KCNMA1: variants seen among roughly 807,000 people sequenced by gnomAD.
The protein encoded by KCNMA1 is Calcium-activated potassium channel subunit alpha-1.
In KCNMA1, 29 loss-of-function variants were observed where a neutral mutation model predicts 140.0. The observed-to-expected ratio is 0.21, with a 90% CI of 0.15 to 0.28. The LOEUF is 0.28. Ranked by LOEUF, KCNMA1 falls within the 10% of genes least tolerant of loss-of-function variation. The pLI is 1.00. For missense variants in KCNMA1, 880 were observed against 1,602.2 expected (o/e 0.55, Z 7.70); for synonymous variants, 612 against 611.9 (o/e 1.00, Z 0.00).
At position 77,625,132 on chromosome 10, in the gene KCNMA1, G is replaced by C. The variant is rs574615112; in HGVS notation, c.378+12133C>G. 1.4e-4 allele frequency among the ~76,000 whole-genome samples: 21 copies of C among 152,266 alleles called. 1 individual carries two copies. In the South Asian group the frequency reaches 3.5e-3, roughly 26 times the overall value. On this transcript the variant is annotated intron_variant, in intron 1 of 27. Coordinates refer to ENST00000286628, the MANE Select transcript of KCNMA1 (RefSeq NM_001161352.2). ...TCTTAGGCTGGGCACAGTGGCTCACGCCTGTAATCCCAGCACTTTGGGAGG... is the reference window on the plus strand; with the variant it reads ...TCTTAGGCTGGGCACAGTGGCTCACCCCTGTAATCCCAGCACTTTGGGAGG...
intron 23 of KCNMA1, among the ~76,000 whole-genome samples, chr10:76,923,896 T>C (rs2056834837): frequency 6.6e-6 from 1 of 152,034 alleles, no homozygotes; most frequent in South Asian, 2.1e-4. Context: ...TCCCAGCTAC[T>C]TGGGAGGCTG....
At chr10:77,637,138 C>G (rs2093837134) in intron 1 of KCNMA1, 127 bp downstream of exon 1, 1 of 1,247,354 alleles carries the variant, frequency 8.0e-7, no homozygotes. Context: ...GAAGGGAAGG[C>G]GGCGAGGGGA....
At chr10:77,036,819 T>C (rs377411296) in intron 15 of KCNMA1, among the ~76,000 whole-genome samples, 5 of 152,338 alleles carry the variant, frequency 3.3e-5, no homozygotes, top group East Asian at 1.9e-4. Flanking sequence ...GAGTTATGGC[T>C]TTTCTTTAAT....
In KCNMA1 at chr10:77,064,142, A is replaced by C. The variant is rs140345216; in HGVS notation, c.1749+8955T>G. 1.3e-5 allele frequency: 13 copies of C among 984,306 alleles called. No homozygotes were observed. The African/African-American group carries it at 1.9e-4, about 15-fold the overall frequency. 61.0% of individuals were successfully genotyped at this position (984,306 alleles called of 1,614,324 possible). A position where few individuals can be genotyped will look rare whatever the true frequency, so the allele number is the denominator to read the frequency against. On this transcript the variant is annotated intron_variant, in intron 14 of 27. Transcript: ENST00000286628. ...TATAAAAGAATCCATATGTGATTAC[A>C]GCTATAAAACCAAGAGGAAAATATT... is the stretch of plus-strand genomic sequence containing the variant.
At chr10:77,417,953 C>T (rs1415952229) in intron 1 of KCNMA1, among the ~76,000 whole-genome samples, 1 of 152,186 alleles carries the variant, frequency 6.6e-6, no homozygotes, top group Non-Finnish European at 1.5e-5. Context: ...CCTGAGGAAC[C>T]AGGCTCCCAG....
At chr10:76,952,138 G>A in intron 21 of KCNMA1, 3 of 1,551,732 alleles carry the variant, frequency 1.9e-6, no homozygotes, top group Non-Finnish European at 2.6e-6. Flanking sequence ...CTAGGTCCCA[G>A]ATACGGCATC....
intron 1 of KCNMA1, among the ~76,000 whole-genome samples, chr10:77,452,702 C>T (rs1289441338): frequency 6.6e-6 from 1 of 152,114 alleles, no homozygotes; most frequent in East Asian, 1.9e-4. Context: ...CTCTAAATAC[C>T]CTTCTAAAAA....
chr10:76,909,661 C>A (rs1183589888), intron 25 of KCNMA1, among the ~76,000 whole-genome samples: 1 of 152,142 alleles, frequency 6.6e-6, no homozygotes, highest in Non-Finnish European at 1.5e-5. Flanking sequence ...CTCTTTATGG[C>A]TCAAATTTTA....
chr10:77,455,613 T>C (rs577529281), intron 1 of KCNMA1, among the ~76,000 whole-genome samples: 2 of 152,286 alleles, frequency 1.3e-5, no homozygotes, highest in East Asian at 3.9e-4. Context: ...GGCTGAGGGA[T>C]CCAAGGATGA....
In KCNMA1 at chr10:77,066,190, G is replaced by T. The variant is rs1332985502; in HGVS notation, c.1749+6907C>A. 4.6e-5 allele frequency among the ~76,000 whole-genome samples: 7 copies of T among 152,296 alleles called. No homozygotes were observed. In the South Asian group the frequency reaches 1.5e-3, roughly 32 times the overall value. ...AGATAGATTGGAGGTGGGGTGGTAA[G>T]GGCAGAGCAGACAGACCAGTTAGGA... On this transcript the variant is annotated intron_variant, in intron 14 of 27. Transcript: ENST00000286628.
chr10:76,883,215 G>C (rs1040066129), downstream of KCNMA1, among the ~76,000 whole-genome samples: 1 of 152,114 alleles, frequency 6.6e-6, no homozygotes. Flanking sequence ...AGCATCATAA[G>C]GCATGTAGAG....
intron 1 of KCNMA1, among the ~76,000 whole-genome samples, chr10:77,443,840 A>T (rs57961851): frequency 0.063 from 9,526 of 152,232 alleles, 996 homozygotes; most frequent in African/African-American, 0.21. Context: ...TAAGACCTAG[A>T]GTTTGATAGA....
intron 20 of KCNMA1, among the ~76,000 whole-genome samples, chr10:76,963,007 G>T (rs1464409260): frequency 6.6e-6 from 1 of 152,192 alleles, no homozygotes; most frequent in African/African-American, 2.4e-5. Flanking sequence ...TATAAAAAGG[G>T]CATTGTGATG....
intron 2 of KCNMA1, among the ~76,000 whole-genome samples, chr10:77,298,385 G>A (rs928967374): frequency 1.3e-5 from 2 of 152,068 alleles, no homozygotes; most frequent in African/African-American, 4.8e-5. Flanking sequence ...TGGGCTACAG[G>A]CATTCACCAC....
chr10:77,594,013 A>G (rs2080031811), intron 1 of KCNMA1, among the ~76,000 whole-genome samples: 1 of 152,202 alleles, frequency 6.6e-6, no homozygotes, highest in South Asian at 2.1e-4. Context: ...AGAACAGATG[A>G]TGTATCACAG....
At chr10:76,894,053 G>C (rs775837302) in intron 25 of KCNMA1, among the ~76,000 whole-genome samples, 2 of 152,126 alleles carry the variant, frequency 1.3e-5, no homozygotes, top group African/African-American at 2.4e-5. Flanking sequence ...GACGAAGTTG[G>C]AAGTTTCATA....
At chr10:77,114,635 A>G (rs140797242) in intron 6 of KCNMA1, among the ~76,000 whole-genome samples, 1 of 152,304 alleles carries the variant, frequency 6.6e-6, no homozygotes, top group East Asian at 1.9e-4. Context: ...CATTCTTCAA[A>G]GCCCAGTTCA....
At chr10:77,136,170 C>T (rs1448029220) in intron 5 of KCNMA1, among the ~76,000 whole-genome samples, 2 of 151,936 alleles carry the variant, frequency 1.3e-5, no homozygotes, top group African/African-American at 2.4e-5. Flanking sequence ...GAAAATATAA[C>T]AAAATATGGA....
intron 24 of KCNMA1, chr10:76,914,320 G>A: frequency 1.7e-6 from 1 of 587,008 alleles, no homozygotes; most frequent in Non-Finnish European, 3.0e-6. Flanking sequence ...AATGGTAACA[G>A]GGAGTGCCAT....
Sources: gnomAD v4.1 joint callset for allele counts (sites outside exome capture counted in the v4.1 genomes callset) on GRCh38, gnomAD v4.1.1 for gene constraint, MANE v1.5 for transcripts, NCBI Gene and HGNC (gene_info 2026-07-23, HGNC 2026-07-21) for gene names.